The following RBFOX1 variants were observed in gnomAD, a reference collection of about 807,000 sequenced individuals.
RBFOX1 encodes RNA binding protein fox-1 homolog 1.
In RBFOX1, 8 loss-of-function variants were observed where a neutral mutation model predicts 57.7. That is an observed-to-expected ratio of 0.14 (90% CI 0.08 to 0.25). RBFOX1 has a LOEUF of 0.25. Ranked by LOEUF, RBFOX1 falls within the 10% of genes least tolerant of loss-of-function variation. The pLI is 1.00. For synonymous variants in RBFOX1, 326 were observed against 222.4 expected (o/e 1.47, Z -4.15); for missense variants, 611 against 548.5 (o/e 1.11, Z -1.14).
At chr16:5,640,084 A>G (rs1182107070) in intron 3 of RBFOX1, among the ~76,000 whole-genome samples, 1 of 152,164 alleles carries the variant, frequency 6.6e-6, no homozygotes, top group Non-Finnish European at 1.5e-5. Flanking sequence ...CAGGGAAATA[A>G]GAAAAAGGTA....
At chr16:6,497,316 A>G (rs2095798388) in intron 2 of RBFOX1, among the ~76,000 whole-genome samples, 1 of 152,130 alleles carries the variant, frequency 6.6e-6, no homozygotes, top group African/African-American at 2.4e-5. Flanking sequence ...TCAAAGATGC[A>G]GTATGTTGTT....
chr16:6,172,836 T>G (rs2096971744), intron 1 of RBFOX1, among the ~76,000 whole-genome samples: 1 of 152,132 alleles, frequency 6.6e-6, no homozygotes, highest in Non-Finnish European at 1.5e-5. Flanking sequence ...CAACACAGAT[T>G]TATTCTTTTA....
chr16:6,479,334 C>T (rs1177623268), intron 2 of RBFOX1, among the ~76,000 whole-genome samples: 3 of 152,142 alleles, frequency 2.0e-5, no homozygotes, highest in African/African-American at 4.8e-5. Context: ...CCTTATAAAA[C>T]CATCAGATCT....
chr16:6,850,608 G>C (rs1466074087), intron 3 of RBFOX1, among the ~76,000 whole-genome samples: 1 of 152,146 alleles, frequency 6.6e-6, no homozygotes, highest in African/African-American at 2.4e-5. Context: ...TTCTTCCCAT[G>C]CCTTCCACAG....
At chr16:5,725,222 C>A (rs539441045) in intron 3 of RBFOX1, among the ~76,000 whole-genome samples, 10 of 152,042 alleles carry the variant, frequency 6.6e-5, no homozygotes, top group African/African-American at 2.4e-4. Context: ...CTCTAGTCTG[C>A]GGTATCTTTT....
At chr16:6,156,295 C>G (rs775789177) in intron 1 of RBFOX1, among the ~76,000 whole-genome samples, 1 of 152,208 alleles carries the variant, frequency 6.6e-6, no homozygotes, top group Admixed American at 6.5e-5. Flanking sequence ...GCTAATGGAA[C>G]ATTGATTTTG....
At chr16:7,572,783 G>A (rs1032398981) in intron 5 of RBFOX1, among the ~76,000 whole-genome samples, 3 of 151,910 alleles carry the variant, frequency 2.0e-5, no homozygotes, top group East Asian at 3.9e-4. Flanking sequence ...AGCTTGCAGT[G>A]AGCCAAGATG....
At chr16:7,299,019 T>C (rs566526063) in intron 4 of RBFOX1, among the ~76,000 whole-genome samples, 9 of 152,322 alleles carry the variant, frequency 5.9e-5, no homozygotes, top group African/African-American at 7.2e-5. Context: ...ATGTATCATG[T>C]ATCTACCTCA....
exon 3 of RBFOX1, chr16:5,599,471 G>A (rs747097034): frequency 1.2e-5 from 6 of 513,732 alleles, no homozygotes; most frequent in Admixed American, 3.6e-5. Context: ...TGTCACCCAC[G>A]AATAACAGTG....
chr16:7,590,208 A>C (rs1383885874), intron 7 of RBFOX1, among the ~76,000 whole-genome samples: 1 of 151,928 alleles, frequency 6.6e-6, no homozygotes, highest in Non-Finnish European at 1.5e-5. Flanking sequence ...TCAAGGCTTT[A>C]CTGAGCTATG....
At chr16:5,922,734 A>G (rs750525584) in intron 4 of RBFOX1, among the ~76,000 whole-genome samples, 5 of 152,160 alleles carry the variant, frequency 3.3e-5, no homozygotes, top group Admixed American at 2.0e-4. Context: ...CAACCCCTCA[A>G]TGTATTCAGA....
In RBFOX1 at chr16:6,854,759, T is replaced by A. The variant is rs543072891; in HGVS notation, c.-15-197298T>A. ...ACAGGCGCCTGCCATTGCGCCCGGCTAATTTTTTGTATTTTTAGTAGAGAC... is the reference window on the plus strand; with the variant it reads ...ACAGGCGCCTGCCATTGCGCCCGGCAAATTTTTTGTATTTTTAGTAGAGAC... On this transcript the variant is annotated intron_variant, in intron 3 of 15. Transcript: ENST00000550418. Among the ~76,000 whole-genome samples, 3 of 151,954 alleles carry A rather than the reference T, an allele frequency of 2.0e-5. No homozygotes were observed. The East Asian group carries it at 5.8e-4, about 30-fold the overall frequency.
intron 1 of RBFOX1, among the ~76,000 whole-genome samples, chr16:5,288,235 A>AAT (rs954090382): frequency 4.6e-5 from 7 of 152,120 alleles, no homozygotes; most frequent in Admixed American, 2.0e-4. Context: ...AGAATTGTTG[A>AAT]ATATATATAT....
intron 3 of RBFOX1, among the ~76,000 whole-genome samples, chr16:6,931,253 T>TG (rs1442875906): frequency 3.3e-5 from 5 of 150,360 alleles, no homozygotes; most frequent in Admixed American, 3.3e-4. Context: ...TGCTCTTTGG[T>TG]GCTACCAAAA....
At chr16:6,090,743 C>A (rs2096159333) in intron 1 of RBFOX1, among the ~76,000 whole-genome samples, 3 of 152,180 alleles carry the variant, frequency 2.0e-5, no homozygotes. Context: ...GTGCAGTAAA[C>A]AAATCCGCTG....
At chr16:6,912,183 A>C (rs771252161) in intron 3 of RBFOX1, among the ~76,000 whole-genome samples, 4 of 152,236 alleles carry the variant, frequency 2.6e-5, no homozygotes, top group Non-Finnish European at 5.9e-5. Flanking sequence ...ATAATCTGAA[A>C]CTTAAATTCC....
chr16:6,717,032 G>T (rs12927223), intron 3 of RBFOX1, among the ~76,000 whole-genome samples: 77,726 of 151,908 alleles, frequency 0.51, 21,492 homozygotes, highest in Middle Eastern at 0.74. Context: ...TCTCAACCAT[G>T]TGAGGATACA....
intron 1 of RBFOX1, among the ~76,000 whole-genome samples, chr16:6,132,478 C>T (rs935003623): frequency 8.5e-5 from 13 of 152,156 alleles, no homozygotes; most frequent in African/African-American, 3.1e-4. Context: ...TTGTTGCGTT[C>T]ATTTATCGAA....
intron 3 of RBFOX1, among the ~76,000 whole-genome samples, chr16:7,007,660 A>C (rs755696011): frequency 1.3e-5 from 2 of 152,048 alleles, no homozygotes; most frequent in African/African-American, 2.4e-5. Context: ...TCTTGTTTGG[A>C]AGCTCTTCTC....
Sources: allele counts gnomAD v4.1 joint callset (sites outside exome capture counted in the v4.1 genomes callset), GRCh38; gene constraint gnomAD v4.1.1; transcripts MANE v1.5; gene names NCBI Gene and HGNC (gene_info 2026-07-23, HGNC 2026-07-21).